FAAH2: variants seen among roughly 807,000 people sequenced by gnomAD.
FAAH2 encodes the protein fatty-acid amide hydrolase 2.
FAAH2 carries 60 observed loss-of-function variants against 36.9 expected under a neutral mutation model. The observed-to-expected ratio is 1.63, with a 90% CI of 1.32 to 2.02. The LOEUF is 2.02. FAAH2 is among the 30% of genes most tolerant of loss of function. FAAH2 has a pLI of 0.00. For missense variants in FAAH2, 689 were observed against 397.5 expected (o/e 1.73, Z -6.23); for synonymous variants, 214 against 143.8 (o/e 1.49, Z -3.49).
intron 5 of FAAH2, among the ~76,000 whole-genome samples, chrX:57,352,056 A>G (rs1299400711): frequency 4.4e-5 from 2 of 45,032 alleles, no homozygotes; most frequent in African/African-American, 1.4e-4. Flanking sequence ...ATGTGTATAT[A>G]TATATATATA....
chrX:57,418,200 G>A (rs931010812), intron 7 of FAAH2, among the ~76,000 whole-genome samples: 1 of 111,770 alleles, frequency 8.9e-6, no homozygotes, highest in Non-Finnish European at 1.9e-5. Context: ...TAGACCACTT[G>A]TCTGCCTGGC....
the FAAH2 span, among the ~76,000 whole-genome samples, chrX:57,132,441 A>G: frequency 8.9e-6 from 1 of 112,326 alleles, no homozygotes; most frequent in Non-Finnish European, 1.9e-5. Flanking sequence ...TATGGTTTTC[A>G]CTGGGAATTG....
the FAAH2 span, among the ~76,000 whole-genome samples, chrX:57,240,165 T>A: frequency 8.9e-6 from 1 of 111,989 alleles, no homozygotes; most frequent in Non-Finnish European, 1.9e-5. Context: ...CTGATGTTCA[T>A]TTAATCTTTG....
rs61323098 is a variant in FAAH2, at chrX:57,347,604, GTTTTTTTTTTTTTTT to G, written c.742+6233_742+6247del. ...TTATTTGGAGGTAAGGGGATGCTAA[GTTTTTTTTTTTTTTT>G]TTTTTTTTTTTTTTTTTTGCTGTTG... On this transcript the variant is annotated intron_variant, in intron 5 of 10. Coordinates refer to ENST00000374900, the MANE Select transcript of FAAH2 (RefSeq NM_174912.4). Among the ~76,000 whole-genome samples the G allele has an allele frequency of 0.011, 859 of 77,864 alleles. 31 individuals carry two copies. The South Asian group carries it at 0.13, about 11-fold the overall frequency. 67.6% of individuals were successfully genotyped at this position (77,864 alleles called of 115,157 possible).
At chrX:57,124,504 T>A in the FAAH2 span, among the ~76,000 whole-genome samples, 20 of 111,931 alleles carry the variant, frequency 1.8e-4, no homozygotes, top group Non-Finnish European at 7.5e-5. Context: ...TTTTGTTTCA[T>A]ATGAACTTTA....
chrX:57,261,151 G>A, the FAAH2 span, among the ~76,000 whole-genome samples: 1 of 111,500 alleles, frequency 9.0e-6, no homozygotes, highest in Admixed American at 9.6e-5. Flanking sequence ...CATCAACAGA[G>A]AAATAATCAA....
chrX:57,378,462 G>A (rs1351294316), intron 5 of FAAH2, among the ~76,000 whole-genome samples, 189 bp from the exon 6 acceptor site: 1 of 111,181 alleles, frequency 9.0e-6, no homozygotes, highest in Non-Finnish European at 1.9e-5. Flanking sequence ...GACTCTATTA[G>A]GAAAAAAAAT....
chrX:57,210,260 C>T, the FAAH2 span, among the ~76,000 whole-genome samples: 1 of 111,076 alleles, frequency 9.0e-6, no homozygotes, highest in South Asian at 3.9e-4. Flanking sequence ...GCCCCAAGTC[C>T]CAACTCATAT....
chrX:57,296,912 T>G (rs1425519141), intron 2 of FAAH2, among the ~76,000 whole-genome samples: 4 of 109,617 alleles, frequency 3.6e-5, no homozygotes, highest in Non-Finnish European at 7.6e-5. Context: ...GAAAAAGGAA[T>G]AAAAAGAAAT....
At chrX:57,393,406 A>G in intron 7 of FAAH2, 2 of 765,474 alleles carry the variant, frequency 2.6e-6, no homozygotes, top group South Asian at 4.2e-5. Flanking sequence ...TGATGTTAAG[A>G]AACTTTTCTA....
intron 5 of FAAH2, among the ~76,000 whole-genome samples, chrX:57,364,095 C>A (rs2054353272): frequency 9.9e-6 from 1 of 100,999 alleles, no homozygotes; most frequent in African/African-American, 3.7e-5. Flanking sequence ...GGGAAGACTC[C>A]CTCCTTGACT....
chrX:57,252,462 G>C, the FAAH2 span, among the ~76,000 whole-genome samples: 1 of 112,407 alleles, frequency 8.9e-6, no homozygotes, highest in South Asian at 3.7e-4. Flanking sequence ...CACCCGTGTA[G>C]CCTGATTGGT....
At chrX:57,201,511 T>C in the FAAH2 span, among the ~76,000 whole-genome samples, 16 of 111,922 alleles carry the variant, frequency 1.4e-4, no homozygotes, top group East Asian at 4.5e-3. Flanking sequence ...GTCTTGTTGC[T>C]TTCAGGATCC....
At chrX:57,169,524 A>G in the FAAH2 span, among the ~76,000 whole-genome samples, 1 of 9,334 alleles carries the variant, frequency 1.1e-4, no homozygotes, top group East Asian at 3.0e-3. Flanking sequence ...ATATATATAT[A>G]TATATATATA....
the FAAH2 span, among the ~76,000 whole-genome samples, chrX:57,240,906 C>T: frequency 3.8e-4 from 43 of 112,117 alleles, no homozygotes; most frequent in African/African-American, 1.3e-3. Flanking sequence ...TCACACTGGC[C>T]GCATCCTACA....
chrX:57,219,641 C>A, the FAAH2 span, among the ~76,000 whole-genome samples: 1 of 111,587 alleles, frequency 9.0e-6, no homozygotes, highest in East Asian at 2.8e-4. Context: ...CCATTTAATC[C>A]TGTTCCAGGA....
chrX:57,401,321 C>A (rs965357535), intron 7 of FAAH2, among the ~76,000 whole-genome samples: 6 of 110,782 alleles, frequency 5.4e-5, no homozygotes, highest in African/African-American at 2.0e-4. Flanking sequence ...GTAAAACAGT[C>A]CAGGTGAGTT....
At chrX:57,414,544 C>T (rs1275850171) in intron 7 of FAAH2, among the ~76,000 whole-genome samples, 1 of 111,647 alleles carries the variant, frequency 9.0e-6, no homozygotes, top group African/African-American at 3.3e-5. Flanking sequence ...ATTGGACAAG[C>T]CTTGCATCCC....
At chrX:57,376,867 A>G (rs1217577592) in intron 5 of FAAH2, among the ~76,000 whole-genome samples, 1 of 112,419 alleles carries the variant, frequency 8.9e-6, no homozygotes, top group East Asian at 2.8e-4. Flanking sequence ...GTGAGATGGT[A>G]TCTCATTGTG....
Sources: allele counts gnomAD v4.1 joint callset (sites outside exome capture counted in the v4.1 genomes callset), GRCh38; gene constraint gnomAD v4.1.1; transcripts MANE v1.5; gene names NCBI Gene and HGNC (gene_info 2026-07-23, HGNC 2026-07-21).